Variants in OTOGL observed in about 807,000 individuals in gnomAD.
OTOGL encodes the protein otogelin like.
Under a neutral mutation model 318.5 loss-of-function variants are expected in OTOGL, and 285 were observed. The observed-to-expected ratio is 0.89, with a 90% CI of 0.81 to 0.99. The LOEUF is 0.99. OTOGL is among the 50% of genes least tolerant of loss of function. OTOGL has a pLI of 0.00. For missense variants in OTOGL, 2,899 were observed against 2,845.6 expected (o/e 1.02, Z -0.43); for synonymous variants, 987 against 936.5 (o/e 1.05, Z -0.99).
chr12:80,308,550 C>T (rs886894175), intron 29 of OTOGL, among the ~76,000 whole-genome samples: 17 of 152,220 alleles, frequency 1.1e-4, no homozygotes, highest in African/African-American at 3.9e-4. Flanking sequence ...ACGCTCCTCA[C>T]TTCCCAGACG....
intron 1 of OTOGL, among the ~76,000 whole-genome samples, chr12:80,191,588 A>G (rs1875701499): frequency 6.6e-6 from 1 of 152,266 alleles, no homozygotes; most frequent in Non-Finnish European, 1.5e-5. Context: ...ATTACATTTT[A>G]TAAAGTTTTA....
chr12:80,223,056 C>T (rs886946151), intron 7 of OTOGL, among the ~76,000 whole-genome samples: 1 of 151,964 alleles, frequency 6.6e-6, no homozygotes, highest in African/African-American at 2.4e-5. Flanking sequence ...TCCCCTTGGT[C>T]CCCAAAGTCC....
intron 1 of OTOGL, among the ~76,000 whole-genome samples, chr12:80,147,806 A>G (rs941040865): frequency 1.4e-4 from 22 of 152,248 alleles, no homozygotes; most frequent in Admixed American, 8.5e-4. Flanking sequence ...TTACCATTAT[A>G]TAATGGCCTT....
At chr12:80,299,543 T>G (rs532023506) in intron 27 of OTOGL, among the ~76,000 whole-genome samples, 2 of 148,638 alleles carry the variant, frequency 1.3e-5, no homozygotes, top group South Asian at 4.4e-4. Context: ...ATATTTTTTC[T>G]CAAACATTGA....
chr12:80,135,222 T>C (rs1871475701), intron 1 of OTOGL, among the ~76,000 whole-genome samples: 1 of 142,734 alleles, frequency 7.0e-6, no homozygotes, highest in Non-Finnish European at 1.5e-5. Context: ...ATTACAAATC[T>C]CTGGGTCATT....
intron 1 of OTOGL, among the ~76,000 whole-genome samples, chr12:80,108,329 T>C (rs1423168942): frequency 6.6e-6 from 1 of 152,068 alleles, no homozygotes; most frequent in African/African-American, 2.4e-5. Flanking sequence ...ATTATAACAA[T>C]TATAATTCTG....
intron 30 of OTOGL, among the ~76,000 whole-genome samples, chr12:80,312,101 G>T (rs934291683): frequency 1.3e-5 from 2 of 152,112 alleles, no homozygotes; most frequent in African/African-American, 2.4e-5. Context: ...ACATTGCAAA[G>T]AACTTTTTAA....
Position 80,219,728 on chromosome 12 carries a change from A to G in OTOGL, c.236-86A>G, listed in dbSNP as rs958984053. ...TCTGTTTAAGTTAATAGTGATTACA[A>G]TTTGTCCAAGCTATATCTTGACATA... On this transcript the variant is annotated intron_variant, in intron 5 of 58. Coordinates refer to ENST00000547103, the MANE Select transcript of OTOGL (RefSeq NM_001378609.3). The G allele has an allele frequency of 4.6e-6, 4 of 864,958 alleles. No individual in the cohort carries two copies. The South Asian group carries it at 6.0e-5, about 13-fold the overall frequency. The allele number at this position is 864,958 out of a possible 1,614,324, so 53.6% of individuals were successfully genotyped here.
intron 28 of OTOGL, among the ~76,000 whole-genome samples, chr12:80,305,071 G>T (rs1477285350): frequency 6.6e-6 from 1 of 152,068 alleles, no homozygotes; most frequent in African/African-American, 2.4e-5. Context: ...AAAAACAAAT[G>T]GTTAACTTGT....
chr12:80,350,153 G>A (rs1405672308), intron 44 of OTOGL, among the ~76,000 whole-genome samples: 1 of 152,156 alleles, frequency 6.6e-6, no homozygotes, highest in Non-Finnish European at 1.5e-5. Flanking sequence ...AGATCATGTA[G>A]TATTTGTTTT....
chr12:80,128,486 C>A (rs1316780296), intron 1 of OTOGL, among the ~76,000 whole-genome samples: 2 of 152,238 alleles, frequency 1.3e-5, no homozygotes, highest in Non-Finnish European at 2.9e-5. Context: ...ACTCGGGGGT[C>A]AGGGACCCAC....
At chr12:80,348,478 A>G (rs973123744) in intron 44 of OTOGL, among the ~76,000 whole-genome samples, 1 of 152,092 alleles carries the variant, frequency 6.6e-6, no homozygotes, top group Non-Finnish European at 1.5e-5. Context: ...CCATTGGTCT[A>G]TATGTCTGTT....
intron 44 of OTOGL, among the ~76,000 whole-genome samples, chr12:80,343,096 G>A (rs372281784): frequency 1.3e-5 from 2 of 152,034 alleles, no homozygotes; most frequent in Non-Finnish European, 2.9e-5. Context: ...GGATGGTCTC[G>A]ATCTCCTGAC....
intron 44 of OTOGL, among the ~76,000 whole-genome samples, chr12:80,347,255 G>A (rs374240590): frequency 2.0e-4 from 31 of 151,768 alleles, no homozygotes; most frequent in African/African-American, 6.3e-4. Context: ...CCATCAACCC[G>A]TCATCTACAT....
intron 1 of OTOGL, among the ~76,000 whole-genome samples, chr12:80,162,858 T>C (rs1263345676): frequency 2.0e-5 from 3 of 152,092 alleles, no homozygotes; most frequent in African/African-American, 7.2e-5. Flanking sequence ...ACAATCATTA[T>C]AGGTGTGTTC....
rs141651717 is a variant in OTOGL, at chr12:80,141,478, A to G, written c.-20+41873A>G. Among the ~76,000 whole-genome samples, 31 of 152,296 alleles carry G rather than the reference A, an allele frequency of 2.0e-4. No homozygotes were observed. In the East Asian group the frequency reaches 5.8e-3, roughly 28 times the overall value. On this transcript the variant is annotated intron_variant, in intron 1 of 58. Transcript: ENST00000547103. ...TCCAGGAGGAGGATGCTGCCTCCAG[A>G]GAACTTGAGTATTCTGAGCACTTAT...
intron 8 of OTOGL, among the ~76,000 whole-genome samples, chr12:80,232,402 G>C (rs115544100): frequency 6.6e-6 from 1 of 152,010 alleles, no homozygotes; most frequent in East Asian, 1.9e-4. Context: ...TTATAGCCAC[G>C]TTTAAAATAA....
At chr12:80,277,645 CACTT>C (rs1416883966) in intron 24 of OTOGL, among the ~76,000 whole-genome samples, 6 of 151,304 alleles carry the variant, frequency 4.0e-5, no homozygotes, top group Non-Finnish European at 7.4e-5. Flanking sequence ...CAATGTGAAA[CACTT>C]AATATGTTTT....
chr12:80,130,320 A>G (rs140380043), intron 1 of OTOGL, among the ~76,000 whole-genome samples: 1 of 152,342 alleles, frequency 6.6e-6, no homozygotes, highest in African/African-American at 2.4e-5. Flanking sequence ...AAAACACATC[A>G]GCATTTGTCT....
Sources: allele counts gnomAD v4.1 joint callset (sites outside exome capture counted in the v4.1 genomes callset), GRCh38; gene constraint gnomAD v4.1.1; transcripts MANE v1.5; gene names NCBI Gene and HGNC (gene_info 2026-07-23, HGNC 2026-07-21).